Variants in TYRO3 observed in about 807,000 individuals in gnomAD.
TYRO3 encodes tyrosine-protein kinase receptor TYRO3.
A neutral mutation model predicts 95.2 loss-of-function variants in TYRO3; 38 were observed. The observed-to-expected ratio is 0.40, with a 90% CI of 0.31 to 0.52. The LOEUF is 0.52. Among genes scored for constraint, TYRO3 ranks in the 20% least tolerant of loss-of-function variants. TYRO3 has a pLI of 0.56. For synonymous variants in TYRO3, 367 were observed against 432.9 expected (o/e 0.85, Z 1.89); for missense variants, 812 against 1,116.4 (o/e 0.73, Z 3.89).
chr15:41,568,314 C>G lies in TYRO3; in HGVS notation c.1059C>G (p.Gly353=). Residue 353 remains glycine (G), a synonymous_variant, in exon 8 of 19, where the codon GGC becomes GGG. Transcript: ENST00000263798. The part of the protein sequence containing the change: ...EEVIPEAPLE[G]PLGPYKLSWV... ...TGATCCCCGAGGCCCCTTTGGAAGG[C>G]CCCCTGGGACCCTACAAACTGTCCT... 6.2e-7 allele frequency: 1 copy of G among 1,613,900 alleles called. No individual in the cohort carries two copies. The highest frequency in any genetic ancestry group is 1.1e-5 in the South Asian group (1 of 91,062).
chr15:41,562,407 C>G, intron 3 of TYRO3, 141 bp from the exon 4 acceptor site: 1 of 692,860 alleles, frequency 1.4e-6, no homozygotes, highest in Non-Finnish European at 2.3e-6. Flanking sequence ...AAGCTAGATG[C>G]CTGTTCTGCT....
At chr15:41,564,982 G>A (rs1323262061) in intron 5 of TYRO3, 44 bp from the exon 6 acceptor site, 2 of 1,352,722 alleles carry the variant, frequency 1.5e-6, no homozygotes, top group African/African-American at 2.9e-5. Context: ...TGCTGCCTCT[G>A]CTCATATCCC....
At position 41,573,009 on chromosome 15, in the gene TYRO3, C is replaced by CCCTCCAGACCCTGAT. The variant is rs2055816725; in HGVS notation, c.1886_1900dup (p.Leu629_Ile633dup). 1.2e-6 allele frequency: 2 copies of CCCTCCAGACCCTGAT among 1,613,810 alleles called. No individual in the cohort carries two copies. The highest frequency in any genetic ancestry group is 1.7e-5 in the Admixed American group (1 of 59,984). On this transcript the variant is annotated inframe_insertion, in exon 16 of 19. Transcript: ENST00000263798. Reference sequence around the variant, plus strand: ...GGCCTGTCTGTCCACTAGAACCTACCCCTCCAGACCCTGATCCGGTTCATG... The same window carrying CCCTCCAGACCCTGAT: ...GGCCTGTCTGTCCACTAGAACCTACCCCTCCAGACCCTGATCCTCCAGACCCTGATCCGGTTCATG...
chr15:41,569,552 C>A (rs987344867), intron 9 of TYRO3, among the ~76,000 whole-genome samples: 18 of 152,080 alleles, frequency 1.2e-4, no homozygotes, highest in African/African-American at 4.1e-4. Flanking sequence ...GGAAGGATTG[C>A]TTGAGTCTAG....
chr15:41,565,168 C>T (rs374857424), intron 6 of TYRO3, 27 bp downstream of exon 6: 10 of 1,435,036 alleles, frequency 7.0e-6, no homozygotes, highest in Middle Eastern at 1.7e-4. Flanking sequence ...GGGCCATGCT[C>T]GTTCTGGCTG....
At chr15:41,572,704 A>G (rs966611783) in intron 15 of TYRO3, 140 bp downstream of exon 15, 18 of 1,106,922 alleles carry the variant, frequency 1.6e-5, no homozygotes, top group Middle Eastern at 4.7e-4. Context: ...CTGAGTTTGA[A>G]TCCTTTTAAT....
intron 7 of TYRO3, among the ~76,000 whole-genome samples, chr15:41,568,013 G>A (rs1206351613): frequency 1.3e-5 from 2 of 152,156 alleles, no homozygotes; most frequent in Admixed American, 6.5e-5. Flanking sequence ...CAACACTGCC[G>A]AGCTGGGGTG....
chr15:41,565,285 C>A, intron 6 of TYRO3, 144 bp downstream of exon 6: 1 of 613,976 alleles, frequency 1.6e-6, no homozygotes. Context: ...AGAACACAGG[C>A]CACTGTCTCT....
chr15:41,565,156 C>A lies in TYRO3; in HGVS notation c.783+15C>A, dbSNP rs764547372. 2.1e-6 allele frequency: 3 copies of A among 1,434,106 alleles called. No individual in the cohort carries two copies. Among genetic ancestry groups the A allele is most frequent in the African/African-American group, 2.8e-5 (2 of 72,678 alleles). 88.8% of individuals were successfully genotyped at this position (1,434,106 alleles called of 1,614,324 possible). On this transcript the variant is annotated intron_variant, in intron 6 of 18. Coordinates refer to ENST00000263798, the MANE Select transcript of TYRO3 (RefSeq NM_006293.4). The stretch of plus-strand genomic sequence containing the variant: ...GTACAGTTCAGGTAGGCTCTCCGGG[C>A]CGGGCCATGCTCGTTCTGGCTGCAT...
At chr15:41,567,298 C>T (rs2055735704) in intron 6 of TYRO3, 62 bp from the exon 7 acceptor site, 1 of 1,374,022 alleles carries the variant, frequency 7.3e-7, no homozygotes, top group Non-Finnish European at 9.5e-7. Flanking sequence ...TAACTATACC[C>T]ATCCCATCTT....
intron 18 of TYRO3, among the ~76,000 whole-genome samples, chr15:41,575,354 C>T (rs570018528): frequency 1.1e-4 from 16 of 152,336 alleles, no homozygotes; most frequent in African/African-American, 3.6e-4. Flanking sequence ...TCTAATCTGG[C>T]GCTGTAGAAG....
Position 41,583,576 on chromosome 15 carries a change from A to G in TYRO3, c.*5300A>G, listed in dbSNP as rs571984556. ...ACTAATTGAATTACTATAAATGTATAATGTTTTCCTATATGTTCGTGGTAC... is the reference window on the plus strand; with the variant it reads ...ACTAATTGAATTACTATAAATGTATGATGTTTTCCTATATGTTCGTGGTAC... On this transcript the variant is annotated 3_prime_UTR_variant, in exon 19 of 19. Transcript: ENST00000263798. 2 of 152,298 alleles carry G rather than the reference A, an allele frequency of 1.3e-5. No individual in the cohort carries two copies. Among genetic ancestry groups the G allele is most frequent in the African/African-American group, 4.8e-5 (2 of 41,558 alleles). 9.4% of individuals were successfully genotyped at this position (152,298 alleles called of 1,614,324 possible). A position where few individuals can be genotyped will look rare whatever the true frequency, so the allele number is the denominator to read the frequency against.
At position 41,562,602 on chromosome 15, in the gene TYRO3, C is replaced by T. The variant is rs762784884; in HGVS notation, c.464C>T (p.Pro155Leu). 6.2e-7 allele frequency: 1 copy of T among 1,613,786 alleles called. No homozygotes were observed. Among genetic ancestry groups the T allele is most frequent in the Admixed American group, 1.7e-5 (1 of 60,030 alleles). The part of the protein sequence containing the change: ...PKDLAVPPNA[P>L]FQLSCEAVGP... ...GATCTGGCAGTGCCACCCAATGCCC[C>T]TTTCCAACTGTCTTGTGAGGCTGTG... Residue 155 changes from proline (P) to leucine (L), a missense_variant, in exon 4 of 19, where the codon CCT becomes CTT. Physicochemically the swap from Pro to Leu is moderately conservative, Grantham distance 98. Coordinates refer to ENST00000263798, the MANE Select transcript of TYRO3 (RefSeq NM_006293.4).
chr15:41,560,428 T>TGTGTGTGTGC lies in TYRO3; in HGVS notation c.125-698_125-697insTGTGTGTGCG, dbSNP rs1408766845. 4.8e-3 allele frequency among the ~76,000 whole-genome samples: 652 copies of TGTGTGTGTGC among 135,262 alleles called. 1 individual carries two copies. The highest frequency in any genetic ancestry group is 6.7e-3 in the Non-Finnish European group (425 of 63,856). The allele number at this position is 135,262 out of a possible 152,430, so 88.7% of individuals were successfully genotyped here. On this transcript the variant is annotated intron_variant, in intron 1 of 18. Coordinates refer to ENST00000263798, the MANE Select transcript of TYRO3 (RefSeq NM_006293.4). The stretch of plus-strand genomic sequence containing the variant: ...GTGTGTGTGTGTGTGTGTGTGTGTG[T>TGTGTGTGTGC]GCGCGCGCGCGCGCGCGCTCGCACG...
chr15:41,580,419 G>C lies in TYRO3; in HGVS notation c.*2143G>C, dbSNP rs2140839922. The stretch of plus-strand genomic sequence containing the variant: ...AGCTACTCAGGACACTGAGGCAGGA[G>C]AATTGCTTGAACTCAGGAGGCGGAG... On this transcript the variant is annotated 3_prime_UTR_variant, in exon 19 of 19. Coordinates refer to ENST00000263798, the MANE Select transcript of TYRO3 (RefSeq NM_006293.4). 6.6e-6 allele frequency: 1 copy of C among 152,232 alleles called. No individual in the cohort carries two copies. The highest frequency in any genetic ancestry group is 1.9e-4 in the East Asian group (1 of 5,152). The allele number at this position is 152,232 out of a possible 1,614,324, so 9.4% of individuals were successfully genotyped here. A position where few individuals can be genotyped will look rare whatever the true frequency, so the allele number is the denominator to read the frequency against.
rs201575640 is a variant in TYRO3, at chr15:41,568,956, G to A, written c.1186G>A (p.Val396Ile). Residue 396 changes from valine (V) to isoleucine (I), a missense_variant, in exon 9 of 19, where the codon GTC becomes ATC. By Grantham distance (29) the Val-to-Ile change is conservative. Transcript: ENST00000263798. The part of the protein sequence containing the change: ...PQKDLIVRVC[V>I]SNAVGCGPWS... ...AAAGGACCTGATCGTACGTGTGTGC[G>A]TCTCCAATGCAGTTGGCTGTGGACC... The A allele has an allele frequency of 1.2e-4, 194 of 1,613,908 alleles. No homozygotes were observed. The highest frequency in any genetic ancestry group is 1.6e-4 in the Non-Finnish European group (183 of 1,180,028).
chr15:41,563,994 A>G (rs2055689393), intron 4 of TYRO3, among the ~76,000 whole-genome samples, 190 bp from the exon 5 acceptor site: 1 of 152,154 alleles, frequency 6.6e-6, no homozygotes, highest in African/African-American at 2.4e-5. Context: ...GAGATGAGAA[A>G]ACAGAGCCCT....
At chr15:41,576,104 C>CAAAAA (rs397853986) in intron 18 of TYRO3, among the ~76,000 whole-genome samples, 2 of 102,076 alleles carry the variant, frequency 2.0e-5, no homozygotes, top group African/African-American at 7.9e-5. Context: ...AACTCCATCT[C>CAAAAA]AAAAAAAAAA....
At chr15:41,564,605 A>C (rs1472968146) in intron 5 of TYRO3, among the ~76,000 whole-genome samples, 1 of 152,030 alleles carries the variant, frequency 6.6e-6, no homozygotes, top group African/African-American at 2.4e-5. Flanking sequence ...GGGGGTGGGG[A>C]AAACAGCCTA....
Sources: allele counts gnomAD v4.1 joint callset (sites outside exome capture counted in the v4.1 genomes callset), GRCh38; gene constraint gnomAD v4.1.1; transcripts MANE v1.5; gene names NCBI Gene and HGNC (gene_info 2026-07-23, HGNC 2026-07-21).